Variants in HGF observed in about 807,000 individuals in gnomAD.
The protein encoded by HGF is hepatocyte growth factor.
In HGF, 39 loss-of-function variants were observed where a neutral mutation model predicts 111.6. The observed-to-expected ratio is 0.35, with a 90% CI of 0.27 to 0.46. The LOEUF is 0.46. HGF is among the 20% of genes least tolerant of loss of function. The pLI is 1.00. For missense variants in HGF, 735 were observed against 910.5 expected (o/e 0.81, Z 2.48); for synonymous variants, 285 against 294.8 (o/e 0.97, Z 0.34).
intron 7 of HGF, chr7:81,742,583 C>A: frequency 1.9e-6 from 1 of 521,040 alleles, no homozygotes. Context: ...GCCCTGTATT[C>A]AAAGAAATGA....
chr7:81,741,048 C>T (rs1271448610), intron 7 of HGF, among the ~76,000 whole-genome samples: 1 of 152,082 alleles, frequency 6.6e-6, no homozygotes, highest in Non-Finnish European at 1.5e-5. Flanking sequence ...ATATGTGAAC[C>T]AAAACATTTA....
At chr7:81,725,091 T>C (rs1456586230) in intron 9 of HGF, among the ~76,000 whole-genome samples, 1 of 152,198 alleles carries the variant, frequency 6.6e-6, no homozygotes, top group Non-Finnish European at 1.5e-5. Flanking sequence ...TTGTCAAGAA[T>C]TCTAGCTATT....
chr7:81,702,492 T>G lies in HGF; in HGVS notation c.*89A>C. 2 of 1,076,798 alleles carry G rather than the reference T, an allele frequency of 1.9e-6. No homozygotes were observed. The highest frequency in any genetic ancestry group is 2.9e-6 in the Non-Finnish European group (2 of 699,250). The allele number at this position is 1,076,798 out of a possible 1,614,324, so 66.7% of individuals were successfully genotyped here. ...TCTCCAGTAGTTGTCTTAGGATTGT[T>G]GTAAGTGACATTTTAAATTCCACAT... On this transcript the variant is annotated 3_prime_UTR_variant, in exon 18 of 18. Coordinates refer to ENST00000222390, the MANE Select transcript of HGF (RefSeq NM_000601.6).
chr7:81,756,660 C>CA (rs146901641), intron 4 of HGF: 3,469 of 160,090 alleles, frequency 0.022, 149 homozygotes, highest in African/African-American at 0.079. Context: ...ACTTTGGAAT[C>CA]ATGGTGGGAG....
intron 5 of HGF, chr7:81,751,176 A>G: frequency 1.1e-6 from 1 of 906,994 alleles, no homozygotes; most frequent in Non-Finnish European, 1.3e-6. Context: ...TATTTGGTTA[A>G]TAACAAACAG....
intron 11 of HGF, among the ~76,000 whole-genome samples, chr7:81,715,327 A>G (rs142279919): frequency 0.011 from 1,671 of 152,166 alleles, 28 homozygotes; most frequent in African/African-American, 0.038. Flanking sequence ...ATAAAACTGT[A>G]CTTAGAAAAA....
chr7:81,735,501 G>A (rs544530914), intron 7 of HGF, among the ~76,000 whole-genome samples: 1 of 152,070 alleles, frequency 6.6e-6, no homozygotes, highest in South Asian at 2.1e-4. Flanking sequence ...GAAACAATCA[G>A]CTTTGTCTAA....
intron 7 of HGF, chr7:81,743,003 T>G: frequency 2.0e-6 from 3 of 1,510,022 alleles, no homozygotes; most frequent in Non-Finnish European, 2.8e-6. Flanking sequence ...GGAACTAAGG[T>G]CCTAGCTTTT....
rs914137796 is a variant in HGF at position 81,700,038 on chromosome 7, G to A, written c.*2543C>T. 1.3e-5 allele frequency: 2 copies of A among 151,846 alleles called. No individual in the cohort carries two copies. The highest frequency in any genetic ancestry group is 1.9e-4 in the East Asian group (1 of 5,162). 9.4% of individuals were successfully genotyped at this position (151,846 alleles called of 1,614,324 possible). A position where few individuals can be genotyped will look rare whatever the true frequency, so the allele number is the denominator to read the frequency against. On this transcript the variant is annotated 3_prime_UTR_variant, in exon 18 of 18. Coordinates refer to ENST00000222390, the MANE Select transcript of HGF (RefSeq NM_000601.6). ...TTTTACACTTCAATTCCTGGTAGACGTGAGAAAATGTCTACAATTATAACA... is the reference window on the plus strand; with the variant it reads ...TTTTACACTTCAATTCCTGGTAGACATGAGAAAATGTCTACAATTATAACA...
chr7:81,752,265 A>G lies in HGF; in HGVS notation c.483-3T>C. 2 of 1,613,024 alleles carry G rather than the reference A, an allele frequency of 1.2e-6. No individual in the cohort carries two copies. Among genetic ancestry groups the G allele is most frequent in the African/African-American group, 1.3e-5 (1 of 74,996 alleles). ...CCCGATAGCTCGAAGGCAAAAAGCTAGTTTTAAAATGATAATCATTACAGT... is the reference window on the plus strand; with the variant it reads ...CCCGATAGCTCGAAGGCAAAAAGCTGGTTTTAAAATGATAATCATTACAGT... On this transcript the variant is annotated splice_region_variant and splice_polypyrimidine_tract_variant and intron_variant, in intron 4 of 17. Coordinates refer to ENST00000222390, the MANE Select transcript of HGF (RefSeq NM_000601.6).
At chr7:81,757,649 T>A (rs1178251958) in intron 3 of HGF, among the ~76,000 whole-genome samples, 2 of 152,162 alleles carry the variant, frequency 1.3e-5, no homozygotes, top group African/African-American at 2.4e-5. Context: ...AAAAATTAAA[T>A]GATTTTTAAA....
intron 7 of HGF, among the ~76,000 whole-genome samples, chr7:81,734,225 G>A (rs1294600600): frequency 2.6e-5 from 4 of 152,266 alleles, no homozygotes; most frequent in African/African-American, 4.8e-5. Flanking sequence ...TCTTCTGAGA[G>A]TTCCAACAAA....
chr7:81,739,357 C>A (rs1460645817), intron 7 of HGF, among the ~76,000 whole-genome samples: 1 of 152,018 alleles, frequency 6.6e-6, no homozygotes, highest in African/African-American at 2.4e-5. Context: ...TCTCTGAAAG[C>A]TTTTTATTCA....
Position 81,770,015 on chromosome 7 carries a change from T to C in HGF, c.-44A>G, listed in dbSNP as rs758149409. The stretch of plus-strand genomic sequence containing the variant: ...GGCGGATCCCTCTGGAGGAGATGCC[T>C]GGGTGAAAGAATCCTGTTCGGAGTC... On this transcript the variant is annotated 5_prime_UTR_variant, in exon 1 of 18. Coordinates refer to ENST00000222390, the MANE Select transcript of HGF (RefSeq NM_000601.6). 40 of 1,416,870 alleles carry C rather than the reference T, an allele frequency of 2.8e-5. No individual in the cohort carries two copies. Among genetic ancestry groups the C allele is most frequent in the Non-Finnish European group, 3.8e-5 (39 of 1,027,540 alleles). The allele number at this position is 1,416,870 out of a possible 1,614,324, so 87.8% of individuals were successfully genotyped here.
At position 81,770,020 on chromosome 7, in the gene HGF, G is replaced by C; in HGVS notation, c.-49C>G. 7.3e-7 allele frequency: 1 copy of C among 1,375,106 alleles called. No homozygotes were observed. Among genetic ancestry groups the C allele is most frequent in the Non-Finnish European group, 1.0e-6 (1 of 989,818 alleles). The allele number at this position is 1,375,106 out of a possible 1,614,324, so 85.2% of individuals were successfully genotyped here. A position where few individuals can be genotyped will look rare whatever the true frequency, so the allele number is the denominator to read the frequency against. ...ATCCCTCTGGAGGAGATGCCTGGGT[G>C]AAAGAATCCTGTTCGGAGTCAGTGC... On this transcript the variant is annotated 5_prime_UTR_variant, in exon 1 of 18. Coordinates refer to ENST00000222390, the MANE Select transcript of HGF (RefSeq NM_000601.6).
chr7:81,758,737 C>T lies in HGF; in HGVS notation c.322G>A (p.Val108Met). 1 of 1,613,134 alleles carries T rather than the reference C, an allele frequency of 6.2e-7. No individual in the cohort carries two copies. The highest frequency in any genetic ancestry group is 1.1e-5 in the South Asian group (1 of 91,052). ...AATTCATGGCCAAATTCTTTTTTCA[C>T]TCCACTTGACATGCTATTGAAGGGG... ...WFPFNSMSSGVKKEFGHEFDL... is the reference protein window; with the variant it reads ...WFPFNSMSSGMKKEFGHEFDL... The change falls in exon 3 of 18, where the codon GTG (valine) becomes ATG (methionine). Residue 108 changes from valine (V) to methionine (M), a missense_variant. Val to Met is a conservative substitution (Grantham distance 21, BLOSUM62 1). Transcript: ENST00000222390.
At chr7:81,708,653 G>T (rs1181749583) in intron 13 of HGF, among the ~76,000 whole-genome samples, 6 of 148,518 alleles carry the variant, frequency 4.0e-5, no homozygotes, top group East Asian at 4.1e-4. Flanking sequence ...ACGTTGGCCA[G>T]GCTGCTCTTG....
At chr7:81,728,286 T>C (rs1790072504) in intron 8 of HGF, among the ~76,000 whole-genome samples, 1 of 152,336 alleles carries the variant, frequency 6.6e-6, no homozygotes, top group South Asian at 2.1e-4. Context: ...TACCAAGATA[T>C]AACAGGTAAC....
chr7:81,769,911 G>C lies in HGF; in HGVS notation c.61C>G (p.Leu21Val). The change falls in exon 1 of 18, where the codon CTG (leucine) becomes GTG (valine). Residue 21 changes from leucine (L) to valine (V), a missense_variant. By Grantham distance (32) the Leu-to-Val change is conservative. Transcript: ENST00000222390. ...GCATAGGGGATGGCGATGGGGAGCA[G>C]GAGGAGATGCAGGAGGACATGCTGC... ...LLQHVLLHLL[L>V]LPIAIPYAEG... 1 of 1,569,252 alleles carries C rather than the reference G, an allele frequency of 6.4e-7. No individual in the cohort carries two copies. The highest frequency in any genetic ancestry group is 8.6e-7 in the Non-Finnish European group (1 of 1,156,126).
Sources: allele counts gnomAD v4.1 joint callset (sites outside exome capture counted in the v4.1 genomes callset), GRCh38; gene constraint gnomAD v4.1.1; transcripts MANE v1.5; gene names NCBI Gene and HGNC (gene_info 2026-07-23, HGNC 2026-07-21).